KALRN: variants seen among roughly 807,000 people sequenced by gnomAD.
The protein encoded by KALRN is kalirin RhoGEF kinase, also known as kalirin.
A neutral mutation model predicts 353.7 loss-of-function variants in KALRN; 70 were observed. The observed-to-expected ratio is 0.20, with a 90% CI of 0.16 to 0.24. The LOEUF (loss-of-function observed/expected upper bound fraction) is 0.24, where lower values mean the gene tolerates loss of function less well. Among genes scored for constraint, KALRN ranks in the 10% least tolerant of loss-of-function variants. The probability of loss-of-function intolerance (pLI) is 1.00; values close to 1 mark genes in which losing one functional copy is unlikely to be tolerated. For missense variants in KALRN, 2,791 were observed against 3,756.7 expected (o/e 0.74, Z 6.72); for synonymous variants, 1,391 against 1,434.8 (o/e 0.97, Z 0.69).
chr3:124,677,781 A>G (rs2087349654), intron 49 of KALRN, among the ~76,000 whole-genome samples: 1 of 152,166 alleles, frequency 6.6e-6, no homozygotes, highest in Non-Finnish European at 1.5e-5. Context: ...TAGCATATGC[A>G]TTCTAGAATA....
At chr3:124,442,156 G>A (rs2093688659) in intron 19 of KALRN, 97 bp downstream of exon 19, 2 of 620,812 alleles carry the variant, frequency 3.2e-6, no homozygotes, top group Non-Finnish European at 5.3e-6. Context: ...CAAATTTCCT[G>A]CTGCTTCTCC....
chr3:124,385,974 CTTAA>C (rs540858392), intron 11 of KALRN, among the ~76,000 whole-genome samples: 85 of 152,110 alleles, frequency 5.6e-4, no homozygotes, highest in African/African-American at 2.0e-3. Context: ...AATAGCCCTA[CTTAA>C]TTAAGTTGAA....
chr3:124,700,014 T>C lies in KALRN; in HGVS notation c.7977T>C (p.Phe2659=), dbSNP rs747654874. ...GISLPSEPSE[F]VRLPEYDAAA... Reference sequence around the variant, plus strand: ...GCCTTCCCAGCGAGCCCTCGGAGTTTGTGCGACTTCCAGAATATGGTGAGT... The same window carrying C: ...GCCTTCCCAGCGAGCCCTCGGAGTTCGTGCGACTTCCAGAATATGGTGAGT... The change falls in exon 56 of 60, where the codon TTT becomes TTC. Residue 2659 remains phenylalanine, a synonymous_variant. Coordinates refer to ENST00000682506, the MANE Select transcript of KALRN (RefSeq NM_001388419.1). 7 of 1,614,118 alleles carry C rather than the reference T, an allele frequency of 4.3e-6. No individual in the cohort carries two copies. Among genetic ancestry groups the C allele is most frequent in the South Asian group, 1.1e-5 (1 of 91,074 alleles).
At chr3:124,477,403 G>A (rs1291876491) in intron 27 of KALRN, 69 bp downstream of exon 27, 7 of 1,145,132 alleles carry the variant, frequency 6.1e-6, no homozygotes, top group Non-Finnish European at 9.2e-6. Context: ...TTGGCATAAT[G>A]GATGGATATT....
At chr3:124,668,197 C>A (rs556307944) in intron 47 of KALRN, among the ~76,000 whole-genome samples, 1 of 152,148 alleles carries the variant, frequency 6.6e-6, no homozygotes, top group African/African-American at 2.4e-5. Flanking sequence ...CATGTACACA[C>A]GTACAGGCCC....
At chr3:124,451,250 G>A (rs1483679614) in intron 21 of KALRN, among the ~76,000 whole-genome samples, 1 of 151,862 alleles carries the variant, frequency 6.6e-6, no homozygotes, top group Non-Finnish European at 1.5e-5. Context: ...AAGATAGAAA[G>A]AAAGGGAAGG....
intron 1 of KALRN, among the ~76,000 whole-genome samples, chr3:124,067,868 G>A (rs1175845372): frequency 6.6e-6 from 1 of 152,230 alleles, no homozygotes; most frequent in Non-Finnish European, 1.5e-5. Context: ...GACTGGTGAG[G>A]CCTGACTAGG....
At chr3:124,697,481 C>T (rs2062108502) in intron 54 of KALRN, 112 bp from the exon 55 acceptor site, 11 of 1,094,984 alleles carry the variant, frequency 1.0e-5, no homozygotes, top group African/African-American at 1.6e-5. Flanking sequence ...GAGAAGGTCA[C>T]AGGAAAAAAT....
At chr3:124,331,064 T>C (rs1284491988) in intron 8 of KALRN, among the ~76,000 whole-genome samples, 1 of 152,252 alleles carries the variant, frequency 6.6e-6, no homozygotes, top group East Asian at 1.9e-4. Context: ...ACTAGCTGTG[T>C]GACCTCAGGC....
At chr3:124,352,567 C>T (rs1021750342) in intron 10 of KALRN, among the ~76,000 whole-genome samples, 1 of 151,992 alleles carries the variant, frequency 6.6e-6, no homozygotes, top group African/African-American at 2.4e-5. Context: ...AAAGAGCAGA[C>T]AATTTAAAGA....
intron 57 of KALRN, among the ~76,000 whole-genome samples, chr3:124,710,566 G>A (rs1174024334): frequency 2.6e-5 from 4 of 152,138 alleles, no homozygotes; most frequent in Admixed American, 6.5e-5. Flanking sequence ...TGGGCGGATC[G>A]CTTTGAGCTC....
chr3:124,671,811 A>G lies in KALRN; in HGVS notation c.6855A>G (p.Pro2285=), dbSNP rs769488382. 2.1e-5 allele frequency: 34 copies of G among 1,613,574 alleles called. No individual in the cohort carries two copies. In the Admixed American group the frequency reaches 5.2e-4, roughly 25 times the overall value. Residue 2285 remains proline, a synonymous_variant, in exon 48 of 60, where the codon CCA becomes CCG. Transcript: ENST00000682506. ...CCCCAAAGGGCTCCAGCTATAACCCACCTCTGCCTCCCCTGAAGATATCTA... is the reference window on the plus strand; with the variant it reads ...CCCCAAAGGGCTCCAGCTATAACCCGCCTCTGCCTCCCCTGAAGATATCTA... The part of the protein sequence containing the change: ...EKPPKGSSYN[P]PLPPLKISTS...
chr3:124,479,970 G>A (rs547569214), intron 27 of KALRN, among the ~76,000 whole-genome samples: 14 of 152,070 alleles, frequency 9.2e-5, no homozygotes, highest in African/African-American at 2.7e-4. Context: ...TGATCTACCC[G>A]CCTCGGCCTC....
intron 33 of KALRN, among the ~76,000 whole-genome samples, chr3:124,538,491 G>T (rs994660168): frequency 6.6e-6 from 1 of 152,122 alleles, no homozygotes; most frequent in African/African-American, 2.4e-5. Flanking sequence ...AGTATTCTGG[G>T]TCAAAATGAC....
At chr3:124,046,981 A>ATT (rs1577533569) in intron 1 of KALRN, among the ~76,000 whole-genome samples, 2 of 134,704 alleles carry the variant, frequency 1.5e-5, no homozygotes. Flanking sequence ...AAGGAAATGT[A>ATT]TCTTTTTTTT....
chr3:124,201,744 T>A (rs982326675), intron 1 of KALRN, among the ~76,000 whole-genome samples: 2 of 152,230 alleles, frequency 1.3e-5, no homozygotes, highest in African/African-American at 2.4e-5. Context: ...AAACAAGTGA[T>A]AGACCTGGGA....
intron 34 of KALRN, among the ~76,000 whole-genome samples, chr3:124,604,276 A>G (rs960126533): frequency 6.6e-6 from 1 of 152,150 alleles, no homozygotes; most frequent in Non-Finnish European, 1.5e-5. Context: ...CATTAGGTAT[A>G]TCTCCCAATG....
chr3:124,172,182 A>G (rs548884968), intron 1 of KALRN, among the ~76,000 whole-genome samples: 80 of 152,354 alleles, frequency 5.3e-4, no homozygotes, highest in African/African-American at 1.9e-3. Flanking sequence ...TTCCAAGAGT[A>G]GCATGAGCTC....
chr3:124,133,890 A>G (rs2065605342), intron 1 of KALRN, among the ~76,000 whole-genome samples: 1 of 152,218 alleles, frequency 6.6e-6, no homozygotes, highest in African/African-American at 2.4e-5. Flanking sequence ...TGACACAAAC[A>G]AATGGAAACA....
Sources: gnomAD v4.1 joint callset for allele counts (sites outside exome capture counted in the v4.1 genomes callset) on GRCh38, gnomAD v4.1.1 for gene constraint, MANE v1.5 for transcripts, NCBI Gene and HGNC (gene_info 2026-07-23, HGNC 2026-07-21) for gene names.